Variants in EFCAB6 observed in about 807,000 individuals in gnomAD.
The protein encoded by EFCAB6 is EF-hand calcium binding domain 6.
EFCAB6 carries 156 observed loss-of-function variants against 169.8 expected under a neutral mutation model. The observed-to-expected ratio is 0.92, with a 90% CI of 0.81 to 1.05. EFCAB6 has a LOEUF of 1.05. Ranked by LOEUF, EFCAB6 falls within the 50% of genes least tolerant of loss-of-function variation. The pLI is 0.00. For synonymous variants in EFCAB6, 698 were observed against 676.4 expected, an observed-to-expected ratio of 1.03 and a Z score of -0.50; for missense variants, 1,800 against 1,829.1, an observed-to-expected ratio of 0.98 and a Z score of 0.29.
chr22:43,646,283 C>T (rs1303219746), intron 17 of EFCAB6, among the ~76,000 whole-genome samples: 1 of 152,328 alleles, frequency 6.6e-6, no homozygotes, highest in East Asian at 1.9e-4. Context: ...CCTTTATGTT[C>T]TCTCTTGCTG....
intron 26 of EFCAB6, among the ~76,000 whole-genome samples, chr22:43,558,869 A>T (rs1218761386): frequency 6.6e-6 from 1 of 152,204 alleles, no homozygotes; most frequent in East Asian, 1.9e-4. Context: ...GACTCATTTT[A>T]TTGCGATATT....
chr22:43,574,475 A>G (rs1184738708), intron 26 of EFCAB6, among the ~76,000 whole-genome samples: 1 of 152,162 alleles, frequency 6.6e-6, no homozygotes, highest in Admixed American at 6.5e-5. Context: ...GAGATGAGAA[A>G]TCGCAGGTGA....
chr22:43,809,395 A>T (rs2063027302), intron 1 of EFCAB6, among the ~76,000 whole-genome samples: 1 of 152,086 alleles, frequency 6.6e-6, no homozygotes. Flanking sequence ...CTATTTTATC[A>T]CATTGTAGTT....
At chr22:43,682,295 G>A (rs1250565459) in intron 12 of EFCAB6, among the ~76,000 whole-genome samples, 2 of 152,166 alleles carry the variant, frequency 1.3e-5, no homozygotes, top group Non-Finnish European at 2.9e-5. Context: ...CTTAGCCTAA[G>A]TGCCCAGCAC....
intron 23 of EFCAB6, among the ~76,000 whole-genome samples, chr22:43,599,655 C>A (rs750866039): frequency 4.0e-5 from 6 of 148,542 alleles, no homozygotes; most frequent in Non-Finnish European, 8.9e-5. Context: ...AAGGATATGT[C>A]TGGTTCTTTC....
chr22:43,749,375 C>T (rs537125645), intron 6 of EFCAB6, among the ~76,000 whole-genome samples: 22 of 152,094 alleles, frequency 1.4e-4, no homozygotes, highest in Admixed American at 5.9e-4. Flanking sequence ...CCCCTAGTAG[C>T]TTTCAATCCT....
intron 24 of EFCAB6, among the ~76,000 whole-genome samples, chr22:43,584,915 A>C (rs1184554742): frequency 6.6e-6 from 1 of 152,212 alleles, no homozygotes; most frequent in Non-Finnish European, 1.5e-5. Flanking sequence ...CAGGAGAGGA[A>C]AAAACAAGGA....
chr22:43,597,812 G>C (rs2052136134), intron 23 of EFCAB6, among the ~76,000 whole-genome samples: 1 of 152,084 alleles, frequency 6.6e-6, no homozygotes, highest in South Asian at 2.1e-4. Context: ...CAATAGCCAA[G>C]ATATGAAATC....
intron 22 of EFCAB6, among the ~76,000 whole-genome samples, chr22:43,604,325 C>T (rs1283770255): frequency 6.6e-6 from 1 of 152,134 alleles, no homozygotes; most frequent in Non-Finnish European, 1.5e-5. Context: ...CCATCTGCTC[C>T]AGTACCCATC....
chr22:43,548,684 G>T (rs1339842754), intron 27 of EFCAB6, among the ~76,000 whole-genome samples: 2 of 146,446 alleles, frequency 1.4e-5, no homozygotes, highest in African/African-American at 5.1e-5. Flanking sequence ...AGAATAATAA[G>T]AAATGGATAC....
chr22:43,594,545 G>T (rs1171159328), intron 23 of EFCAB6, among the ~76,000 whole-genome samples: 1 of 152,048 alleles, frequency 6.6e-6, no homozygotes, highest in East Asian at 1.9e-4. Flanking sequence ...AGACCTGAAG[G>T]TCATTATTAA....
chr22:43,782,460 T>C (rs2061859368), intron 2 of EFCAB6, 135 bp from the exon 3 acceptor site: 1 of 732,798 alleles, frequency 1.4e-6, no homozygotes, highest in Admixed American at 3.1e-5. Context: ...TCTGCTTTGC[T>C]GATGTTTCAG....
In EFCAB6 at chr22:43,677,729, G is replaced by C. The variant is rs1404632805; in HGVS notation, c.1419+267C>G. 3.9e-5 allele frequency among the ~76,000 whole-genome samples: 6 copies of C among 152,078 alleles called. No homozygotes were observed. The East Asian group carries it at 7.7e-4, about 20-fold the overall frequency. On this transcript the variant is annotated intron_variant, in intron 13 of 31. Transcript: ENST00000262726. ...ATGGCTGCAAGAGGAGTGCTGTTGA[G>C]GTGGCGCCAGTTACATCCTGTATAT...
At chr22:43,764,413 C>T (rs1199379917) in intron 5 of EFCAB6, among the ~76,000 whole-genome samples, 1 of 152,128 alleles carries the variant, frequency 6.6e-6, no homozygotes, top group East Asian at 1.9e-4. Flanking sequence ...TGTATATGTA[C>T]CACATTTTAA....
At chr22:43,531,076 C>A in intron 30 of EFCAB6, 112 bp from the exon 31 acceptor site, 1 of 1,394,338 alleles carries the variant, frequency 7.2e-7, no homozygotes, top group Non-Finnish European at 9.9e-7. Flanking sequence ...CTTCACCTCC[C>A]AACCTGCTCC....
chr22:43,568,386 T>C (rs1334228289), intron 26 of EFCAB6, among the ~76,000 whole-genome samples: 1 of 152,226 alleles, frequency 6.6e-6, no homozygotes, highest in Non-Finnish European at 1.5e-5. Flanking sequence ...CCTGGCTTCT[T>C]GATAGGATCA....
intron 2 of EFCAB6, among the ~76,000 whole-genome samples, chr22:43,784,564 T>C (rs1353550054): frequency 1.3e-5 from 1 of 79,874 alleles, no homozygotes; most frequent in Admixed American, 1.4e-4. Flanking sequence ...TATACACATA[T>C]ATATGTGTAC....
intron 23 of EFCAB6, among the ~76,000 whole-genome samples, chr22:43,599,507 C>A (rs2052320994): frequency 2.1e-5 from 1 of 46,620 alleles, no homozygotes; most frequent in African/African-American, 9.6e-5. Context: ...GAGATTCCAT[C>A]TCAAAAAAAA....
intron 20 of EFCAB6, among the ~76,000 whole-genome samples, chr22:43,617,886 G>A (rs991885361): frequency 2.0e-5 from 3 of 151,872 alleles, no homozygotes; most frequent in African/African-American, 7.3e-5. Flanking sequence ...GGCAGATCAC[G>A]AGGTCAGGAG....
Sources: gnomAD v4.1 joint callset for allele counts (sites outside exome capture counted in the v4.1 genomes callset) on GRCh38, gnomAD v4.1.1 for gene constraint, MANE v1.5 for transcripts, NCBI Gene and HGNC (gene_info 2026-07-23, HGNC 2026-07-21) for gene names.